Variants in ARID2 observed in about 807,000 individuals in gnomAD.
The protein encoded by ARID2 is AT-rich interaction domain 2, also known as AT-rich interactive domain-containing protein 2.
In ARID2, 32 loss-of-function variants were observed where a neutral mutation model predicts 184.6. The ratio of observed to expected loss-of-function variants is 0.17; its 90% CI spans 0.13 to 0.23. The LOEUF (loss-of-function observed/expected upper bound fraction) is 0.23, where lower values mean the gene tolerates loss of function less well. ARID2 is among the 10% of genes least tolerant of loss of function. ARID2 has a pLI of 1.00. For synonymous variants in ARID2, 836 were observed against 772.6 expected, an observed-to-expected ratio of 1.08 and a Z score of -1.36; for missense variants, 1,696 against 2,197.6, an observed-to-expected ratio of 0.77 and a Z score of 4.56.
intron 3 of ARID2, among the ~76,000 whole-genome samples, chr12:45,775,205 A>G (rs1409214788): frequency 6.6e-6 from 1 of 152,190 alleles, no homozygotes; most frequent in East Asian, 1.9e-4. Flanking sequence ...TTTTCATGCT[A>G]GTACTTTAGG....
chr12:45,817,058 A>G (rs148391744), intron 4 of ARID2, among the ~76,000 whole-genome samples: 576 of 152,342 alleles, frequency 3.8e-3, no homozygotes, highest in Non-Finnish European at 6.8e-3. Flanking sequence ...GAAATGCAAT[A>G]GTAAGAAGTG....
At chr12:45,739,221 C>T (rs1941197363) in intron 3 of ARID2, among the ~76,000 whole-genome samples, 1 of 152,034 alleles carries the variant, frequency 6.6e-6, no homozygotes, top group South Asian at 2.1e-4. Context: ...TCAGGTGATT[C>T]ACCTGCTTTG....
chr12:45,804,489 C>CGTGTGT (rs141399769), intron 3 of ARID2, among the ~76,000 whole-genome samples: 2 of 146,590 alleles, frequency 1.4e-5, no homozygotes, highest in South Asian at 4.3e-4. Context: ...CGTGTGTGTG[C>CGTGTGT]GTGTGTGTGT....
chr12:45,737,314 T>C (rs952515254), intron 3 of ARID2, among the ~76,000 whole-genome samples: 3 of 152,052 alleles, frequency 2.0e-5, no homozygotes, highest in Non-Finnish European at 4.4e-5. Flanking sequence ...CCAGGGAGAA[T>C]GTGCTGGTTT....
intron 3 of ARID2, among the ~76,000 whole-genome samples, chr12:45,810,688 G>C (rs1340819736): frequency 6.6e-6 from 1 of 152,112 alleles, no homozygotes; most frequent in Non-Finnish European, 1.5e-5. Flanking sequence ...AATATACTCA[G>C]GTTTGCACAT....
chr12:45,773,120 T>C (rs1592067301), intron 3 of ARID2, among the ~76,000 whole-genome samples: 1 of 151,916 alleles, frequency 6.6e-6, no homozygotes, highest in African/African-American at 2.4e-5. Flanking sequence ...AACTTAAAAA[T>C]ATGTAGAAAT....
chr12:45,789,853 A>T (rs954342502), intron 3 of ARID2, among the ~76,000 whole-genome samples: 1 of 152,160 alleles, frequency 6.6e-6, no homozygotes, highest in Non-Finnish European at 1.5e-5. Flanking sequence ...GTAGTGGCTT[A>T]TGTCTGTAAT....
At position 45,781,959 on chromosome 12, in the gene ARID2, A is replaced by G. The variant is rs150978953; in HGVS notation, c.285-29459A>G. The stretch of plus-strand genomic sequence containing the variant: ...AGTTGTGGGAGAACAATTCTAGTAC[A>G]AGATAAAACTTGCTGTTTCCTCAGT... On this transcript the variant is annotated intron_variant, in intron 3 of 20. Coordinates refer to ENST00000334344, the MANE Select transcript of ARID2 (RefSeq NM_152641.4). Among the ~76,000 whole-genome samples, 29 of 152,314 alleles carry G rather than the reference A, an allele frequency of 1.9e-4. No homozygotes were observed. In the East Asian group the frequency reaches 5.6e-3, roughly 29 times the overall value.
At chr12:45,831,196 C>T (rs1029560437) in intron 6 of ARID2, among the ~76,000 whole-genome samples, 2 of 152,058 alleles carry the variant, frequency 1.3e-5, no homozygotes, top group African/African-American at 4.8e-5. Context: ...AGAGCTGGTG[C>T]TTACACGATT....
At chr12:45,769,513 T>C (rs940720584) in intron 3 of ARID2, among the ~76,000 whole-genome samples, 7 of 152,076 alleles carry the variant, frequency 4.6e-5, no homozygotes, top group African/African-American at 1.7e-4. Context: ...AAAAAAAGCA[T>C]GGAGAATAAT....
chr12:45,777,794 A>T (rs970176304), intron 3 of ARID2, among the ~76,000 whole-genome samples: 1 of 147,958 alleles, frequency 6.8e-6, no homozygotes, highest in Non-Finnish European at 1.5e-5. Context: ...TATTTTTTAT[A>T]TAAATATATA....
intron 3 of ARID2, among the ~76,000 whole-genome samples, chr12:45,769,761 G>C (rs1028736014): frequency 1.6e-4 from 24 of 152,264 alleles, no homozygotes; most frequent in African/African-American, 5.3e-4. Flanking sequence ...CATAGGTTAA[G>C]GATAAGGAGG....
At chr12:45,811,885 T>C (rs1942715992) in intron 4 of ARID2, among the ~76,000 whole-genome samples, 1 of 152,194 alleles carries the variant, frequency 6.6e-6, no homozygotes, top group East Asian at 1.9e-4. Context: ...CCAAGAATTT[T>C]CTTATAGAGT....
intron 16 of ARID2, among the ~76,000 whole-genome samples, chr12:45,870,749 T>G (rs1734788253): frequency 6.6e-6 from 1 of 152,206 alleles, no homozygotes; most frequent in East Asian, 1.9e-4. Context: ...CTTAGTAATA[T>G]GCACATAAGT....
At chr12:45,837,215 T>C (rs1431651346) in intron 8 of ARID2, 106 bp from the exon 9 acceptor site, 1 of 1,181,848 alleles carries the variant, frequency 8.5e-7, no homozygotes, top group Non-Finnish European at 1.2e-6. Context: ...ATAACATTTT[T>C]TAACGTTATG....
chr12:45,731,075 GTAACT>G, intron 2 of ARID2, 137 bp from the exon 3 acceptor site: 1 of 621,416 alleles, frequency 1.6e-6, no homozygotes, highest in Non-Finnish European at 2.9e-6. Flanking sequence ...CCCTTGCTTA[GTAACT>G]CTTACCGATC....
chr12:45,800,365 T>C (rs929808791), intron 3 of ARID2, among the ~76,000 whole-genome samples: 21 of 152,184 alleles, frequency 1.4e-4, no homozygotes, highest in Admixed American at 3.3e-4. Flanking sequence ...ACTTTAGGAT[T>C]GAGCAAATGT....
intron 16 of ARID2, among the ~76,000 whole-genome samples, chr12:45,890,266 T>G (rs1944278671): frequency 6.6e-6 from 1 of 152,236 alleles, no homozygotes; most frequent in Admixed American, 6.5e-5. Flanking sequence ...GTGCTATCCT[T>G]TTTCCTATGG....
At chr12:45,818,245 A>G (rs1942841201) in intron 5 of ARID2, among the ~76,000 whole-genome samples, 1 of 152,160 alleles carries the variant, frequency 6.6e-6, no homozygotes, top group African/African-American at 2.4e-5. Context: ...ATTTTTAACT[A>G]AAACATTTTA....
Sources: allele counts gnomAD v4.1 joint callset (sites outside exome capture counted in the v4.1 genomes callset), GRCh38; gene constraint gnomAD v4.1.1; transcripts MANE v1.5; gene names NCBI Gene and HGNC (gene_info 2026-07-23, HGNC 2026-07-21).